RBMS3: variants seen among roughly 807,000 people sequenced by gnomAD.
The protein encoded by RBMS3 is RNA-binding motif, single-stranded-interacting protein 3.
Under a neutral mutation model 66.8 loss-of-function variants are expected in RBMS3, and 27 were observed. That is an observed-to-expected ratio of 0.40 (90% CI 0.30 to 0.56). The LOEUF (loss-of-function observed/expected upper bound fraction) is 0.56, where lower values mean the gene tolerates loss of function less well. Among genes scored for constraint, RBMS3 ranks in the 20% least tolerant of loss-of-function variants. RBMS3 has a pLI of 0.40. For synonymous variants in RBMS3, 188 were observed against 183.0 expected (o/e 1.03, Z -0.22); for missense variants, 513 against 549.5 (o/e 0.93, Z 0.66).
intron 5 of RBMS3, among the ~76,000 whole-genome samples, chr3:29,743,072 A>G (rs1370995227): frequency 1.3e-5 from 2 of 152,162 alleles, no homozygotes; most frequent in Admixed American, 6.5e-5. Context: ...AATTTTGAGG[A>G]GCAGAATCCC....
chr3:29,298,407 C>T (rs2033435215), intron 1 of RBMS3, among the ~76,000 whole-genome samples: 2 of 151,864 alleles, frequency 1.3e-5, no homozygotes, highest in East Asian at 3.9e-4. Context: ...ATTCCCTACC[C>T]TAGATGTCCT....
At chr3:29,345,024 A>G (rs2036494274) in intron 1 of RBMS3, among the ~76,000 whole-genome samples, 1 of 152,186 alleles carries the variant, frequency 6.6e-6, no homozygotes, top group Non-Finnish European at 1.5e-5. Context: ...TCATCCTGAT[A>G]ACACCATTTA....
At chr3:29,988,065 A>G (rs897688743) in intron 12 of RBMS3, 78 bp from the exon 13 acceptor site, 1 of 1,174,058 alleles carries the variant, frequency 8.5e-7, no homozygotes, top group South Asian at 1.3e-5. Context: ...TAGCTAAAGC[A>G]GTCTCCTGTG....
intron 6 of RBMS3, among the ~76,000 whole-genome samples, chr3:29,773,857 T>C (rs2056320060): frequency 6.6e-6 from 1 of 152,214 alleles, no homozygotes; most frequent in Middle Eastern, 3.4e-3. Flanking sequence ...ATACTATCTC[T>C]ATAGCTTTCC....
intron 3 of RBMS3, among the ~76,000 whole-genome samples, chr3:29,500,675 C>A (rs954963354): frequency 6.6e-6 from 1 of 151,930 alleles, no homozygotes; most frequent in Non-Finnish European, 1.5e-5. Flanking sequence ...ATATGCTATA[C>A]CATACAGCCT....
chr3:29,702,759 G>A (rs2052683487), intron 4 of RBMS3, among the ~76,000 whole-genome samples: 1 of 152,172 alleles, frequency 6.6e-6, no homozygotes. Flanking sequence ...TTTTACTCCT[G>A]AAGCCAGCGA....
chr3:29,914,936 A>G (rs974774650), intron 10 of RBMS3, among the ~76,000 whole-genome samples: 3 of 152,022 alleles, frequency 2.0e-5, no homozygotes, highest in Middle Eastern at 3.4e-3. Context: ...GAAGAACAAC[A>G]AAATTGGAAA....
At chr3:29,813,542 T>C (rs1280860028) in intron 6 of RBMS3, among the ~76,000 whole-genome samples, 2 of 152,138 alleles carry the variant, frequency 1.3e-5, no homozygotes, top group Non-Finnish European at 2.9e-5. Context: ...TTGATGGGGA[T>C]GGCATTGCAT....
chr3:29,853,642 T>A (rs1297420739), intron 6 of RBMS3, among the ~76,000 whole-genome samples: 2 of 152,086 alleles, frequency 1.3e-5, no homozygotes, highest in East Asian at 3.9e-4. Context: ...ATGAGCTCTC[T>A]TTACTACCTG....
intron 3 of RBMS3, among the ~76,000 whole-genome samples, chr3:29,501,558 C>G (rs758092140): frequency 8.5e-5 from 13 of 152,168 alleles, no homozygotes; most frequent in Admixed American, 2.6e-4. Flanking sequence ...ACTTACGGTG[C>G]TTCTGTTAAC....
intron 4 of RBMS3, among the ~76,000 whole-genome samples, chr3:29,612,179 A>G (rs1221808647): frequency 3.3e-5 from 5 of 152,106 alleles, no homozygotes; most frequent in African/African-American, 1.2e-4. Flanking sequence ...GAATAACAAC[A>G]TAATATTCAT....
chr3:29,319,427 CCTT>C (rs1164993820), intron 1 of RBMS3, among the ~76,000 whole-genome samples: 1 of 151,978 alleles, frequency 6.6e-6, no homozygotes, highest in Admixed American at 6.6e-5. Context: ...CAGCCTGCCA[CCTT>C]CTTGTGAGCA....
rs1479238504 is a variant in RBMS3 at position 29,884,168 on chromosome 3, A to G, written c.751A>G (p.Met251Val). Residue 251 changes from methionine (M) to valine (V), a missense_variant, in exon 8 of 15, where the codon ATG (methionine) becomes GTG (valine). Physicochemically the swap from Met to Val is conservative, Grantham distance 21. Coordinates refer to ENST00000383767, the MANE Select transcript of RBMS3 (RefSeq NM_001003793.3). ...CTCTTCATCCTATATACAGGCTGGC[A>G]TGGCTTTGACCTATGACCCCACAGC... ...RPWPREGEAG[M>V]ALTYDPTAAI... 2 of 1,611,812 alleles carry G rather than the reference A, an allele frequency of 1.2e-6. No individual in the cohort carries two copies. The highest frequency in any genetic ancestry group is 1.7e-6 in the Non-Finnish European group (2 of 1,178,612).
At chr3:29,545,045 A>G (rs531731240) in intron 3 of RBMS3, among the ~76,000 whole-genome samples, 1 of 152,296 alleles carries the variant, frequency 6.6e-6, no homozygotes, top group East Asian at 1.9e-4. Context: ...ATTATCTGTA[A>G]GGACATTTAT....
At chr3:29,637,821 A>G (rs1014331079) in intron 4 of RBMS3, among the ~76,000 whole-genome samples, 4 of 151,884 alleles carry the variant, frequency 2.6e-5, no homozygotes, top group Admixed American at 2.6e-4. Flanking sequence ...TCTTTATCAA[A>G]TAGGACTAAT....
intron 4 of RBMS3, among the ~76,000 whole-genome samples, chr3:29,733,952 A>G (rs2149340632): frequency 6.6e-6 from 1 of 152,194 alleles, no homozygotes; most frequent in East Asian, 1.9e-4. Context: ...ATAGGGGTCT[A>G]GTTTCATTAT....
rs58702096 is a variant in RBMS3 at position 29,517,271 on chromosome 3, ATGTGTGTGTGTG to A, written c.307+28798_307+28809del. ...CTGTGTATGTGAGGTGATTTCATAT[ATGTGTGTGTGTG>A]TGTGTGTGTGTGTGTGTGTGTGTGT... On this transcript the variant is annotated intron_variant, in intron 3 of 14. Transcript: ENST00000383767. 5.9e-3 allele frequency among the ~76,000 whole-genome samples: 761 copies of A among 129,640 alleles called. 5 individuals carry two copies. Among genetic ancestry groups the A allele is most frequent in the African/African-American group, 0.019 (663 of 35,120 alleles). The allele number at this position is 129,640 out of a possible 152,430, so 85.0% of individuals were successfully genotyped here. A position where few individuals can be genotyped will look rare whatever the true frequency, so the allele number is the denominator to read the frequency against.
intron 6 of RBMS3, among the ~76,000 whole-genome samples, chr3:29,851,133 CT>C (rs1189679642): frequency 6.6e-6 from 1 of 152,134 alleles, no homozygotes; most frequent in Non-Finnish European, 1.5e-5. Flanking sequence ...TTTTTTAGCA[CT>C]TCACAATTGA....
At chr3:29,468,955 G>C (rs2042630906) in intron 2 of RBMS3, among the ~76,000 whole-genome samples, 1 of 151,938 alleles carries the variant, frequency 6.6e-6, no homozygotes, top group Non-Finnish European at 1.5e-5. Context: ...ACAAACTCAA[G>C]ATGTTCCTCC....
Sources: gnomAD v4.1 joint callset for allele counts (sites outside exome capture counted in the v4.1 genomes callset) on GRCh38, gnomAD v4.1.1 for gene constraint, MANE v1.5 for transcripts, NCBI Gene and HGNC (gene_info 2026-07-23, HGNC 2026-07-21) for gene names.